Variants in MAP2K5 observed in about 807,000 individuals in gnomAD.
MAP2K5 encodes dual specificity mitogen-activated protein kinase kinase 5.
In MAP2K5, 49 loss-of-function variants were observed where a neutral mutation model predicts 83.1. The observed-to-expected ratio is 0.59, with a 90% CI of 0.47 to 0.75. MAP2K5 has a LOEUF of 0.75. Ranked by LOEUF, MAP2K5 falls within the 30% of genes least tolerant of loss-of-function variation. The pLI, the probability that MAP2K5 is intolerant of heterozygous loss-of-function variation, is 0.00. For missense variants in MAP2K5, 457 were observed against 557.5 expected, an observed-to-expected ratio of 0.82 and a Z score of 1.82; for synonymous variants, 202 against 191.8, an observed-to-expected ratio of 1.05 and a Z score of -0.44.
chr15:67,605,444 T>G (rs936108338), intron 8 of MAP2K5, among the ~76,000 whole-genome samples: 1 of 152,232 alleles, frequency 6.6e-6, no homozygotes, highest in Non-Finnish European at 1.5e-5. Context: ...ATACACATTA[T>G]ACTTCTGTAT....
intron 2 of MAP2K5, among the ~76,000 whole-genome samples, chr15:67,556,182 A>G (rs576058089): frequency 6.6e-5 from 10 of 152,290 alleles, no homozygotes; most frequent in East Asian, 1.9e-4. Flanking sequence ...GGGTTTTCCA[A>G]TATTAAGGTT....
intron 13 of MAP2K5, among the ~76,000 whole-genome samples, chr15:67,678,089 T>G (rs2087723016): frequency 6.6e-6 from 1 of 152,274 alleles, no homozygotes. Context: ...CAGATGAATT[T>G]GTAATGCAGA....
At chr15:67,762,884 C>T (rs148354508) in intron 19 of MAP2K5, among the ~76,000 whole-genome samples, 2 of 152,176 alleles carry the variant, frequency 1.3e-5, no homozygotes, top group African/African-American at 2.4e-5. Context: ...AGGCCTTTAC[C>T]CCGTGGTTCC....
At chr15:67,701,545 A>G (rs553912692) in intron 15 of MAP2K5, among the ~76,000 whole-genome samples, 105 of 152,304 alleles carry the variant, frequency 6.9e-4, no homozygotes, top group African/African-American at 2.3e-3. Flanking sequence ...GAAAGGTTTC[A>G]CCCTCAAACA....
rs748399659 is a variant in MAP2K5, at chr15:67,543,414, G to T, written c.79G>T (p.Gly27Cys). ...AATTCGCATCAAGATCCCAAATAGTGGCGCGGTGGACTGGACAGTGCACTC... is the reference window on the plus strand; with the variant it reads ...AATTCGCATCAAGATCCCAAATAGTTGCGCGGTGGACTGGACAGTGCACTC... ...LVIRIKIPNS[G>C]AVDWTVHSGP... Residue 27 changes from glycine (G) to cysteine (C), a missense_variant, in exon 1 of 22, where the codon GGC becomes TGC. Physicochemically the swap from Gly to Cys is radical, Grantham distance 159. This residue lies in a region of MAP2K5 where 234 missense variants were observed against 243.6 expected (regional missense o/e 0.96). Transcript: ENST00000178640. The surrounding 1 kb of genome is among the most constrained non-coding windows in gnomAD (Gnocchi z 4.3). The T allele has an allele frequency of 1.7e-5, 27 of 1,614,022 alleles. No homozygotes were observed. In the East Asian group the frequency reaches 6.0e-4, roughly 36 times the overall value.
In MAP2K5 at chr15:67,777,325, T is replaced by A. The variant is rs1447124450; in HGVS notation, c.1242+4573T>A. On this transcript the variant is annotated intron_variant, in intron 21 of 21. Coordinates refer to ENST00000178640, the MANE Select transcript of MAP2K5 (RefSeq NM_145160.3). This position sits in a 1 kb window ranked among gnomAD's most constrained non-coding sequence, Gnocchi z 6.0. The stretch of plus-strand genomic sequence containing the variant: ...CAATTTGGGCTCAGAGTACGGTAGA[T>A]CTTTCTATGCATTTAGAGTGTTTCC... 4.6e-5 allele frequency among the ~76,000 whole-genome samples: 7 copies of A among 152,202 alleles called. No homozygotes were observed. The highest frequency in any genetic ancestry group is 8.8e-5 in the Non-Finnish European group (6 of 68,036).
At chr15:67,771,717 A>G (rs957478808) in intron 20 of MAP2K5, among the ~76,000 whole-genome samples, 1 of 152,254 alleles carries the variant, frequency 6.6e-6, no homozygotes, top group Non-Finnish European at 1.5e-5. Flanking sequence ...TTAATGGTTC[A>G]TAACTCCGAT....
In MAP2K5 at chr15:67,565,854, C is replaced by T. The variant is rs936937472; in HGVS notation, c.252+2504C>T. On this transcript the variant is annotated intron_variant, in intron 3 of 21. Transcript: ENST00000178640. This position sits in a 1 kb window ranked among gnomAD's most constrained non-coding sequence, Gnocchi z 4.1. Reference sequence around the variant, plus strand: ...CAAACTCCTGGCCTCAAGTGGTCCTCCTGCCTCAGCCTCCCAAGGTGCTGG... The same window carrying T: ...CAAACTCCTGGCCTCAAGTGGTCCTTCTGCCTCAGCCTCCCAAGGTGCTGG... Among the ~76,000 whole-genome samples, 1 of 152,138 alleles carries T rather than the reference C, an allele frequency of 6.6e-6. No homozygotes were observed. The highest frequency in any genetic ancestry group is 2.4e-5 in the African/African-American group (1 of 41,436).
Position 67,563,063 on chromosome 15 carries a change from A to G in MAP2K5, c.185-220A>G, listed in dbSNP as rs189967314. The stretch of plus-strand genomic sequence containing the variant: ...AGATATGTTGTGAATGACATGAGCA[A>G]TATTTTAATTTTCTGCTATCCCTAA... On this transcript the variant is annotated intron_variant, in intron 2 of 21. Transcript: ENST00000178640. The surrounding 1 kb of genome is among the most constrained non-coding windows in gnomAD (Gnocchi z 4.5). 2.6e-4 allele frequency among the ~76,000 whole-genome samples: 40 copies of G among 152,342 alleles called. 1 individual carries two copies. The highest frequency in any genetic ancestry group is 2.1e-3 in the Admixed American group (32 of 15,302).
At chr15:67,609,278 T>A (rs911377677) in intron 8 of MAP2K5, among the ~76,000 whole-genome samples, 22 of 152,082 alleles carry the variant, frequency 1.4e-4, no homozygotes, top group Non-Finnish European at 2.9e-5. Flanking sequence ...TCCAAGCATG[T>A]ACAGTCCAGT....
chr15:67,584,294 GA>G (rs2085244758), intron 4 of MAP2K5, among the ~76,000 whole-genome samples: 1 of 152,220 alleles, frequency 6.6e-6, no homozygotes, highest in Non-Finnish European at 1.5e-5. Context: ...ATTGAGGAGT[GA>G]GGCAGATGTT....
rs1363532927 is a variant in MAP2K5, at chr15:67,561,636, G to A, written c.185-1647G>A. Among the ~76,000 whole-genome samples, 1 of 152,206 alleles carries A rather than the reference G, an allele frequency of 6.6e-6. No homozygotes were observed. Among genetic ancestry groups the A allele is most frequent in the Non-Finnish European group, 1.5e-5 (1 of 68,030 alleles). On this transcript the variant is annotated intron_variant, in intron 2 of 21. Transcript: ENST00000178640. This position sits in a 1 kb window ranked among gnomAD's most constrained non-coding sequence, Gnocchi z 4.2. The stretch of plus-strand genomic sequence containing the variant: ...AGTGAACCAGGATCCAGAAACAAGT[G>A]CTTGGAAAGAAAACAAGTGCTTGGA...
At chr15:67,590,740 C>G (rs755717698) in intron 6 of MAP2K5, among the ~76,000 whole-genome samples, 1 of 152,048 alleles carries the variant, frequency 6.6e-6, no homozygotes, top group Non-Finnish European at 1.5e-5. Flanking sequence ...AGGCTTGAGA[C>G]GCTGTGCTTG....
intron 19 of MAP2K5, among the ~76,000 whole-genome samples, chr15:67,753,668 ATT>A (rs1566952915): frequency 1.3e-5 from 2 of 151,824 alleles, no homozygotes; most frequent in Non-Finnish European, 2.9e-5. Context: ...GATGGCTGTA[ATT>A]AAAAAAAAAA....
intron 9 of MAP2K5, among the ~76,000 whole-genome samples, chr15:67,632,092 G>A (rs912786819): frequency 4.3e-5 from 5 of 115,986 alleles, no homozygotes; most frequent in Non-Finnish European, 8.4e-5. Context: ...CAAGTATTAT[G>A]CTAGATTTTT....
At position 67,563,369 on chromosome 15, in the gene MAP2K5, A is replaced by C. The variant is rs761180901; in HGVS notation, c.252+19A>C. ...GTCATATGTAAGTATACGACAAATGAAGACTATTTTTTAAAATCTTAACGT... is the reference window on the plus strand; with the variant it reads ...GTCATATGTAAGTATACGACAAATGCAGACTATTTTTTAAAATCTTAACGT... On this transcript the variant is annotated intron_variant, in intron 3 of 21. Coordinates refer to ENST00000178640, the MANE Select transcript of MAP2K5 (RefSeq NM_145160.3). This position sits in a 1 kb window ranked among gnomAD's most constrained non-coding sequence, Gnocchi z 4.5. The C allele has an allele frequency of 6.2e-7, 1 of 1,600,692 alleles. No homozygotes were observed.
chr15:67,672,321 C>T (rs1349805980), intron 13 of MAP2K5, among the ~76,000 whole-genome samples: 3 of 151,868 alleles, frequency 2.0e-5, no homozygotes, highest in Non-Finnish European at 4.4e-5. Context: ...CTCTCCAGCA[C>T]CTGTTGTTTC....
chr15:67,742,711 A>G (rs1321736417), intron 17 of MAP2K5, among the ~76,000 whole-genome samples: 1 of 152,246 alleles, frequency 6.6e-6, no homozygotes, highest in Non-Finnish European at 1.5e-5. Context: ...TATAATTCAC[A>G]TTAATCATTT....
At chr15:67,659,569 A>G (rs1384187273) in intron 12 of MAP2K5, among the ~76,000 whole-genome samples, 1 of 152,126 alleles carries the variant, frequency 6.6e-6, no homozygotes, top group Non-Finnish European at 1.5e-5. Context: ...ATGTGCAGGT[A>G]GATTAGTATG....
Sources: gnomAD v4.1 joint callset for allele counts (sites outside exome capture counted in the v4.1 genomes callset) on GRCh38, gnomAD v4.1.1 for gene constraint, gnomAD v4.1.1 regional missense constraint, Gnocchi (gnomAD v3.1) non-coding constraint, MANE v1.5 for transcripts, NCBI Gene and HGNC (gene_info 2026-07-23, HGNC 2026-07-21) for gene names.